ENTR1: variants seen among roughly 807,000 people sequenced by gnomAD.
ENTR1 encodes the protein endosome associated trafficking regulator 1, also known as endosome-associated-trafficking regulator 1.
Under a neutral mutation model 47.9 loss-of-function variants are expected in ENTR1, and 47 were observed. The observed-to-expected ratio is 0.98, with a 90% CI of 0.78 to 1.25. ENTR1 has a LOEUF of 1.25. Ranked by LOEUF, ENTR1 falls within the 50% of genes most tolerant of loss-of-function variation. ENTR1 has a pLI of 0.00. For synonymous variants in ENTR1, 290 were observed against 245.8 expected, an observed-to-expected ratio of 1.18 and a Z score of -1.68; for missense variants, 668 against 570.5, an observed-to-expected ratio of 1.17 and a Z score of -1.74.
intron 7 of ENTR1, 99 bp downstream of exon 7, chr9:136,404,992 T>C: frequency 1.0e-6 from 1 of 957,790 alleles, no homozygotes; most frequent in Non-Finnish European, 1.7e-6. Flanking sequence ...ATGGCCCCGC[T>C]CCCAAGGGCA....
At position 136,407,039 on chromosome 9, in the gene ENTR1, T is replaced by G. The variant is rs117348471; in HGVS notation, c.819+106A>C. ...GGCTGTCACGCAAATCGCCTTGTCCTGGAAATCAAACCAGGCCACCCAAGA... is the reference window on the plus strand; with the variant it reads ...GGCTGTCACGCAAATCGCCTTGTCCGGGAAATCAAACCAGGCCACCCAAGA... On this transcript the variant is annotated intron_variant, in intron 5 of 9. Transcript: ENST00000357365. 6.0e-5 allele frequency: 72 copies of G among 1,209,960 alleles called. No homozygotes were observed. The East Asian group carries it at 1.6e-3, about 27-fold the overall frequency. The allele number at this position is 1,209,960 out of a possible 1,614,324, so 75.0% of individuals were successfully genotyped here.
intron 5 of ENTR1, chr9:136,406,832 T>C (rs1008556898): frequency 4.0e-6 from 1 of 251,036 alleles, no homozygotes; most frequent in Admixed American, 4.8e-5. Flanking sequence ...TATAATTTTT[T>C]AAAAATTTTC....
chr9:136,410,080 C>A lies in ENTR1; in HGVS notation c.220+10G>T. The A allele has an allele frequency of 6.2e-7, 1 of 1,612,576 alleles. No homozygotes were observed. Among genetic ancestry groups the A allele is most frequent in the Non-Finnish European group, 8.5e-7 (1 of 1,179,856 alleles). On this transcript the variant is annotated intron_variant, in intron 2 of 9. Transcript: ENST00000357365. Reference sequence around the variant, plus strand: ...GAAGCGTCCCCGGGGCCGGCGCCCTCGTCTCTCACCTGTGTCTCCCACGGA... The same window carrying A: ...GAAGCGTCCCCGGGGCCGGCGCCCTAGTCTCTCACCTGTGTCTCCCACGGA...
chr9:136,407,623 CTTTCTGTG>C, intron 4 of ENTR1, 62 bp from the exon 5 acceptor site: 1 of 1,495,428 alleles, frequency 6.7e-7, no homozygotes, highest in Non-Finnish European at 8.9e-7. Context: ...GCGCATCTTC[CTTTCTGTG>C]TTCTGCCTCG....
chr9:136,406,309 A>G (rs910287777), intron 5 of ENTR1, among the ~76,000 whole-genome samples: 9 of 151,884 alleles, frequency 5.9e-5, no homozygotes, highest in African/African-American at 2.2e-4. Flanking sequence ...TCTCTACTAA[A>G]AATACAAAAA....
In ENTR1 at chr9:136,405,958, C is replaced by G; in HGVS notation, c.840G>C (p.Lys280Asn). The change falls in exon 6 of 10, where the codon AAG becomes AAC. Residue 280 changes from lysine (K) to asparagine (N), a missense_variant. Coordinates refer to ENST00000357365, the MANE Select transcript of ENTR1 (RefSeq NM_001039707.2). ...SYDALKDENS[K>N]LRRKLNEVQS... ...GAACCTCATTCAGCTTTCTTCTCAG[C>G]TTAGAATTTTCATCTTTCAGCTGTG... 1 of 1,609,474 alleles carries G rather than the reference C, an allele frequency of 6.2e-7. No individual in the cohort carries two copies. Among genetic ancestry groups the G allele is most frequent in the Non-Finnish European group, 8.5e-7 (1 of 1,178,280 alleles).
At chr9:136,408,325 C>T (rs549853032) in intron 3 of ENTR1, among the ~76,000 whole-genome samples, 5,202 of 151,876 alleles carry the variant, frequency 0.034, 129 homozygotes, top group East Asian at 0.11. Flanking sequence ...CACGCCTGTA[C>T]CCCAGCACTG....
chr9:136,410,156 A>C lies in ENTR1; in HGVS notation c.154T>G (p.Phe52Val), dbSNP rs1835023787. 1 of 1,612,274 alleles carries C rather than the reference A, an allele frequency of 6.2e-7. No homozygotes were observed. Among genetic ancestry groups the C allele is most frequent in the Non-Finnish European group, 8.5e-7 (1 of 1,179,804 alleles). ...PHGRDLDSPF[F>V]GIRPAFMCYV... ...CACATAAAGGCCGGCCGAATGCCGA[A>C]GAAGGGGGAGTCCAGGTCCCTGCCA... Residue 52 changes from phenylalanine to valine, a missense_variant, in exon 2 of 10, where the codon TTC becomes GTC. Physicochemically the swap from Phe to Val is conservative, Grantham distance 50. Coordinates refer to ENST00000357365, the MANE Select transcript of ENTR1 (RefSeq NM_001039707.2).
Position 136,410,508 on chromosome 9 carries a change from TCGCCCGCCG to T in ENTR1, c.-120_-112del. The T allele has an allele frequency of 1.0e-6, 1 of 973,144 alleles. No individual in the cohort carries two copies. The highest frequency in any genetic ancestry group is 1.3e-6 in the Non-Finnish European group (1 of 793,342). 60.3% of individuals were successfully genotyped at this position (973,144 alleles called of 1,614,324 possible). On this transcript the variant is annotated 5_prime_UTR_variant, in exon 1 of 10. Transcript: ENST00000357365. ...CGCCCGCCCCCGTCGCCCGCCCCCG[TCGCCCGCCG>T]CTCGGCCGCCCCCGCGCCTCCGAGC...
intron 2 of ENTR1, among the ~76,000 whole-genome samples, chr9:136,409,337 C>T (rs1008901660): frequency 1.3e-5 from 2 of 152,130 alleles, no homozygotes; most frequent in Admixed American, 1.3e-4. Flanking sequence ...CCTGCCACCA[C>T]GCCCGGCTAA....
rs763352894 is a variant in ENTR1 at position 136,410,221 on chromosome 9, C to A, written c.89G>T (p.Arg30Leu). ...AIPDAPAFYE[R>L]RSCLPQLNCE... ...ATTTAGCTGGGGGAGACAAGACCGG[C>A]GCTCATAGAACGCTGGAGCTGGAAG... Residue 30 changes from arginine to leucine, a missense_variant, in exon 2 of 10, where the codon CGC becomes CTC. By Grantham distance (102) the Arg-to-Leu change is moderately radical. Transcript: ENST00000357365. 4 of 1,587,258 alleles carry A rather than the reference C, an allele frequency of 2.5e-6. No individual in the cohort carries two copies. Among genetic ancestry groups the A allele is most frequent in the East Asian group, 4.6e-5 (2 of 43,680 alleles).
chr9:136,410,489 C>A lies in ENTR1; in HGVS notation c.-92G>T. On this transcript the variant is annotated 5_prime_UTR_variant, in exon 1 of 10. Coordinates refer to ENST00000357365, the MANE Select transcript of ENTR1 (RefSeq NM_001039707.2). ...CCCGTGCCGCGGCCCGCGTCGCCCG[C>A]CCCCGTCGCCCGCCCCCGTCGCCCG... 15 of 947,282 alleles carry A rather than the reference C, an allele frequency of 1.6e-5. No individual in the cohort carries two copies. Among genetic ancestry groups the A allele is most frequent in the Non-Finnish European group, 1.9e-5 (15 of 783,138 alleles). The allele number at this position is 947,282 out of a possible 1,614,324, so 58.7% of individuals were successfully genotyped here. A position where few individuals can be genotyped will look rare whatever the true frequency, so the allele number is the denominator to read the frequency against.
intron 8 of ENTR1, 73 bp from the exon 9 acceptor site, chr9:136,404,267 C>A: frequency 2.6e-6 from 4 of 1,537,018 alleles, no homozygotes; most frequent in South Asian, 1.2e-5. Context: ...CCTGGCGAGG[C>A]GAGGGCTTAC....
intron 3 of ENTR1, among the ~76,000 whole-genome samples, chr9:136,408,312 G>T (rs1834879137): frequency 8.1e-6 from 1 of 122,808 alleles, no homozygotes; most frequent in Non-Finnish European, 1.8e-5. Context: ...AGGTGTGGTG[G>T]CTCACGCCTG....
At chr9:136,408,033 G>A in intron 3 of ENTR1, 95 bp from the exon 4 acceptor site, 1 of 773,096 alleles carries the variant, frequency 1.3e-6, no homozygotes, top group Non-Finnish European at 2.2e-6. Context: ...ATGGCCACAT[G>A]TGAGATCGGG....
chr9:136,403,727 T>C (rs1376345332), intron 9 of ENTR1, among the ~76,000 whole-genome samples: 1 of 151,968 alleles, frequency 6.6e-6, no homozygotes, highest in African/African-American at 2.4e-5. Flanking sequence ...GGAAGTGGCT[T>C]TTTCAGCAGG....
intron 2 of ENTR1, chr9:136,409,841 G>A (rs1043572706): frequency 1.6e-6 from 1 of 634,574 alleles, no homozygotes; most frequent in Non-Finnish European, 3.0e-6. Flanking sequence ...CACGAGGAAA[G>A]CGGGCGGGCT....
chr9:136,406,570 G>A (rs571498834), intron 5 of ENTR1, among the ~76,000 whole-genome samples: 8 of 152,074 alleles, frequency 5.3e-5, no homozygotes, highest in Admixed American at 2.0e-4. Flanking sequence ...TCCGCCTCCC[G>A]GGTTCAAGCG....
chr9:136,409,928 G>C (rs534581885), intron 2 of ENTR1, 162 bp downstream of exon 2: 1 of 866,042 alleles, frequency 1.2e-6, no homozygotes, highest in South Asian at 1.4e-5. Flanking sequence ...ACCAGACTGT[G>C]AGCTCCTAGC....
Sources: gnomAD v4.1 joint callset for allele counts (sites outside exome capture counted in the v4.1 genomes callset) on GRCh38, gnomAD v4.1.1 for gene constraint, MANE v1.5 for transcripts, NCBI Gene and HGNC (gene_info 2026-07-23, HGNC 2026-07-21) for gene names.